Variants in SOX5 observed in about 807,000 individuals in gnomAD.
The protein encoded by SOX5 is transcription factor SOX-5.
SOX5 carries 9 observed loss-of-function variants against 92.0 expected under a neutral mutation model. The ratio of observed to expected loss-of-function variants is 0.10; its 90% CI spans 0.06 to 0.17. SOX5 has a LOEUF of 0.17. Among genes scored for constraint, SOX5 ranks in the 10% least tolerant of loss-of-function variants. The pLI, the probability that SOX5 is intolerant of heterozygous loss-of-function variation, is 1.00. For synonymous variants in SOX5, 344 were observed against 336.3 expected, an observed-to-expected ratio of 1.02 and a Z score of -0.25; for missense variants, 642 against 944.5, an observed-to-expected ratio of 0.68 and a Z score of 4.20.
intron 2 of SOX5, among the ~76,000 whole-genome samples, chr12:24,323,858 C>T (rs1950433156): frequency 6.6e-6 from 1 of 151,570 alleles, no homozygotes; most frequent in African/African-American, 2.4e-5. Flanking sequence ...GAGGAAGAGG[C>T]CAAAAATTTA....
intron 6 of SOX5, among the ~76,000 whole-genome samples, chr12:23,725,245 A>G (rs1432839909): frequency 6.6e-6 from 1 of 152,200 alleles, no homozygotes; most frequent in Non-Finnish European, 1.5e-5. Flanking sequence ...CACTGCTAAT[A>G]AAGACATATC....
intron 1 of SOX5, among the ~76,000 whole-genome samples, chr12:24,381,797 A>G (rs1411087935): frequency 1.3e-5 from 2 of 152,252 alleles, no homozygotes; most frequent in African/African-American, 2.4e-5. Flanking sequence ...GTTAATTAAT[A>G]TAGATGTGAT....
At chr12:23,915,318 C>G (rs553279062) in intron 1 of SOX5, among the ~76,000 whole-genome samples, 8 of 152,042 alleles carry the variant, frequency 5.3e-5, no homozygotes, top group South Asian at 4.1e-4. Flanking sequence ...GGTTAGGATA[C>G]GACACAATCT....
chr12:24,173,898 G>A (rs1428736279), intron 4 of SOX5, among the ~76,000 whole-genome samples: 1 of 152,154 alleles, frequency 6.6e-6, no homozygotes, highest in Non-Finnish European at 1.5e-5. Flanking sequence ...TTCCCTGGGA[G>A]CAGCATGCAA....
intron 3 of SOX5, among the ~76,000 whole-genome samples, chr12:24,259,638 G>A (rs1219499327): frequency 1.3e-5 from 2 of 152,162 alleles, no homozygotes; most frequent in Non-Finnish European, 2.9e-5. Context: ...TTACAGGGAA[G>A]AAAATTTTGA....
At chr12:24,477,276 G>C (rs1945500313) in intron 1 of SOX5, among the ~76,000 whole-genome samples, 1 of 151,922 alleles carries the variant, frequency 6.6e-6, no homozygotes, top group South Asian at 2.1e-4. Context: ...TGGGATTACA[G>C]ACATGTGCCA....
chr12:24,135,860 C>T (rs1950063350), intron 4 of SOX5, among the ~76,000 whole-genome samples: 1 of 152,088 alleles, frequency 6.6e-6, no homozygotes, highest in African/African-American at 2.4e-5. Flanking sequence ...GGAGTGACAA[C>T]ACAAAGAATG....
intron 1 of SOX5, among the ~76,000 whole-genome samples, chr12:24,458,537 T>C (rs908001939): frequency 6.6e-6 from 1 of 152,190 alleles, no homozygotes; most frequent in African/African-American, 2.4e-5. Context: ...TAAAGACAAA[T>C]CTCTGGGGGG....
At chr12:24,238,676 G>A (rs368463008) in intron 3 of SOX5, among the ~76,000 whole-genome samples, 6 of 152,032 alleles carry the variant, frequency 3.9e-5, no homozygotes, top group South Asian at 2.1e-4. Flanking sequence ...TCTTACTGCC[G>A]TTAGTTGACT....
At chr12:24,174,218 C>T (rs1380306428) in intron 4 of SOX5, among the ~76,000 whole-genome samples, 2 of 152,050 alleles carry the variant, frequency 1.3e-5, no homozygotes, top group Non-Finnish European at 2.9e-5. Context: ...AGGATGGTCT[C>T]GAACTCCTCA....
At chr12:23,696,621 T>A (rs2089912153) in intron 6 of SOX5, among the ~76,000 whole-genome samples, 2 of 152,172 alleles carry the variant, frequency 1.3e-5, no homozygotes, top group Non-Finnish European at 2.9e-5. Flanking sequence ...TCTTAATTTT[T>A]ACCTTTGGGT....
intron 6 of SOX5, among the ~76,000 whole-genome samples, chr12:23,728,258 G>T (rs945879238): frequency 1.4e-4 from 21 of 152,160 alleles, no homozygotes; most frequent in African/African-American, 4.8e-4. Flanking sequence ...GTCCAGTTAT[G>T]ATGTATTTTA....
intron 8 of SOX5, among the ~76,000 whole-genome samples, chr12:23,623,685 A>G: frequency 6.6e-6 from 1 of 152,304 alleles, no homozygotes; most frequent in South Asian, 2.1e-4. Flanking sequence ...AAAATTGACC[A>G]ATAAACATAC....
intron 1 of SOX5, among the ~76,000 whole-genome samples, chr12:24,413,880 T>C (rs1247132771): frequency 6.6e-6 from 1 of 152,206 alleles, no homozygotes; most frequent in Non-Finnish European, 1.5e-5. Flanking sequence ...TATTCCACAT[T>C]ATGCAGTTTT....
At chr12:23,796,001 C>T (rs1364195001) in intron 3 of SOX5, among the ~76,000 whole-genome samples, 2 of 152,040 alleles carry the variant, frequency 1.3e-5, no homozygotes, top group African/African-American at 4.8e-5. Context: ...TGAAACCTGC[C>T]TGATGTGCAG....
chr12:24,215,606 T>C (rs1477102222), intron 3 of SOX5, among the ~76,000 whole-genome samples: 1 of 152,010 alleles, frequency 6.6e-6, no homozygotes, highest in Non-Finnish European at 1.5e-5. Flanking sequence ...AAAGAATATC[T>C]AAAAAATGAA....
Position 24,481,583 on chromosome 12 carries a change from G to A in SOX5, c.-251+80746C>T, listed in dbSNP as rs187072012. Among the ~76,000 whole-genome samples, 8 of 152,102 alleles carry A rather than the reference G, an allele frequency of 5.3e-5. No homozygotes were observed. The East Asian group carries it at 1.5e-3, about 29-fold the overall frequency. On this transcript the variant is annotated intron_variant, in intron 1 of 4. Transcript: ENST00000446891. ...CCCGCAAAAATTAAAAATAAACAAT[G>A]TTTTTAAAAAAAGAATTCTAAGAAC...
rs199776516 is a variant in SOX5 at position 24,386,339 on chromosome 12, AC to A, written c.-250-17701del. Among the ~76,000 whole-genome samples, 27 of 152,056 alleles carry A rather than the reference AC, an allele frequency of 1.8e-4. No homozygotes were observed. In the East Asian group the frequency reaches 4.8e-3, roughly 27 times the overall value. ...CATCATCATAGCTGTCTTTTATTAA[AC>A]CCTACTAGGTTCTGGGCTTTATATT... On this transcript the variant is annotated intron_variant, in intron 1 of 4. Coordinates refer to the SOX5 transcript ENST00000446891.
Position 23,532,571 on chromosome 12 carries a change from A to C in SOX5, c.*1648T>G, listed in dbSNP as rs1939323852. ...CACATTCAGTTGTTGCTCTTTGCAA[A>C]TACTCTGCTTGAACCAAAGTTGGAC... On this transcript the variant is annotated 3_prime_UTR_variant, in exon 15 of 15. Transcript: ENST00000451604. 3 of 152,344 alleles carry C rather than the reference A, an allele frequency of 2.0e-5. No individual in the cohort carries two copies. Among genetic ancestry groups the C allele is most frequent in the Admixed American group, 1.3e-4 (2 of 15,278 alleles). 9.4% of individuals were successfully genotyped at this position (152,344 alleles called of 1,614,324 possible).
Sources: gnomAD v4.1 joint callset for allele counts (sites outside exome capture counted in the v4.1 genomes callset) on GRCh38, gnomAD v4.1.1 for gene constraint, MANE v1.5 for transcripts, NCBI Gene and HGNC (gene_info 2026-07-23, HGNC 2026-07-21) for gene names.